The following BLM variants were observed in gnomAD, a reference collection of about 807,000 sequenced individuals.
BLM encodes the protein recQ-like DNA helicase BLM.
A neutral mutation model predicts 135.3 loss-of-function variants in BLM; 95 were observed. That is an observed-to-expected ratio of 0.70 (90% CI 0.59 to 0.83). BLM has a LOEUF of 0.83. Ranked by LOEUF, BLM falls within the 40% of genes least tolerant of loss-of-function variation. BLM has a pLI of 0.00. For missense variants in BLM, 1,518 were observed against 1,663.9 expected (o/e 0.91, Z 1.53); for synonymous variants, 520 against 589.2 (o/e 0.88, Z 1.70).
In BLM at chr15:90,784,625, C is replaced by T. The variant is rs149741059; in HGVS notation, c.2663-296C>T. ...TGCTGGGATTACAGGCATGAGCCAC[C>T]GCGCCCGGCCAAGGATGGCTTTTTT... On this transcript the variant is annotated intron_variant, in intron 13 of 21. Coordinates refer to ENST00000355112, the MANE Select transcript of BLM (RefSeq NM_000057.4). 8.6e-5 allele frequency among the ~76,000 whole-genome samples: 13 copies of T among 151,620 alleles called. No individual in the cohort carries two copies. In the East Asian group the frequency reaches 1.9e-3, roughly 23 times the overall value.
chr15:90,790,716 C>T lies in BLM; in HGVS notation c.2891C>T (p.Ala964Val), dbSNP rs1896883497. 5 of 1,614,102 alleles carry T rather than the reference C, an allele frequency of 3.1e-6. No individual in the cohort carries two copies. The highest frequency in any genetic ancestry group is 4.2e-6 in the Non-Finnish European group (5 of 1,179,980). Residue 964 changes from alanine (A) to valine (V), a missense_variant, in exon 15 of 22, where the codon GCA becomes GTA. Around this residue, in one of 5 missense-constraint regions of BLM, gnomAD observed 626 missense variants for 681.1 expected, o/e 0.92. Coordinates refer to ENST00000355112, the MANE Select transcript of BLM (RefSeq NM_000057.4). ...DKPDVRFVIH[A>V]SLPKSVEGYY... ...CCGGACGTGCGATTTGTGATTCATG[C>T]ATCTCTCCCTAAATCTGTGGAGGGT...
chr15:90,798,922 G>T (rs1897098144), intron 17 of BLM, among the ~76,000 whole-genome samples: 1 of 151,946 alleles, frequency 6.6e-6, no homozygotes, highest in African/African-American at 2.4e-5. Context: ...AGTGAAGACT[G>T]CAGTGAGCTG....
At position 90,784,327 on chromosome 15, in the gene BLM, C is replaced by CTTTTTTTTT. The variant is rs769540432; in HGVS notation, c.2663-578_2663-570dup. On this transcript the variant is annotated intron_variant, in intron 13 of 21. Transcript: ENST00000355112. Reference sequence around the variant, plus strand: ...CAAAGTTTGTGCAAGAATGGCTTTTCTTTTTTTTTTTTTTTTTTTTTTTTG... The same window carrying CTTTTTTTTT: ...CAAAGTTTGTGCAAGAATGGCTTTTCTTTTTTTTTTTTTTTTTTTTTTTTTTTTTTTTTG... Among the ~76,000 whole-genome samples, 46 of 70,010 alleles carry CTTTTTTTTT rather than the reference C, an allele frequency of 6.6e-4. 1 individual carries two copies. The highest frequency in any genetic ancestry group is 1.9e-3 in the African/African-American group (28 of 14,712). 45.9% of individuals were successfully genotyped at this position (70,010 alleles called of 152,430 possible).
intron 8 of BLM, 27 bp from the exon 9 acceptor site, chr15:90,765,269 A>G: frequency 6.6e-7 from 1 of 1,509,340 alleles, no homozygotes; most frequent in Non-Finnish European, 9.2e-7. Flanking sequence ...AGAACCTGAC[A>G]GATATTTTTT....
intron 14 of BLM, among the ~76,000 whole-genome samples, chr15:90,787,715 G>T (rs918683282): frequency 6.6e-6 from 1 of 152,102 alleles, no homozygotes; most frequent in South Asian, 2.1e-4. Context: ...TTGAGAGGCC[G>T]ATGTGGACGG....
At chr15:90,734,358 G>A (rs185113683) in intron 1 of BLM, among the ~76,000 whole-genome samples, 33 of 151,196 alleles carry the variant, frequency 2.2e-4, no homozygotes, top group Admixed American at 2.2e-3. Context: ...CATGACCTCA[G>A]CTCACTGCAA....
chr15:90,799,384 G>A (rs1897111031), intron 17 of BLM, among the ~76,000 whole-genome samples: 1 of 151,922 alleles, frequency 6.6e-6, no homozygotes, highest in African/African-American at 2.4e-5. Flanking sequence ...GATTGACAAA[G>A]TAAATTTAGT....
In BLM at chr15:90,761,100, C is replaced by T; in HGVS notation, c.1727C>T (p.Ala576Val). ...GAAGACATAATGCATAATTTAGCAGCCAGCAAATCTTCCACAGCTGCCTAT... is the reference window on the plus strand; with the variant it reads ...GAAGACATAATGCATAATTTAGCAGTCAGCAAATCTTCCACAGCTGCCTAT... The part of the protein sequence containing the change: ...DWEDIMHNLA[A>V]SKSSTAAYQP... The change falls in exon 7 of 22, where the codon GCC (alanine) becomes GTC (valine). Residue 576 changes from alanine to valine, a missense_variant. Transcript: ENST00000355112. 1 of 1,547,524 alleles carries T rather than the reference C, an allele frequency of 6.5e-7. No homozygotes were observed. The highest frequency in any genetic ancestry group is 1.4e-5 in the African/African-American group (1 of 72,380).
At chr15:90,784,886 A>G (rs564680051) in intron 13 of BLM, 35 bp from the exon 14 acceptor site, 2 of 1,603,474 alleles carry the variant, frequency 1.2e-6, no homozygotes, top group South Asian at 2.2e-5. Context: ...TATGTTAAAA[A>G]TTCTTGTTTC....
rs529364546 is a variant in BLM at position 90,724,126 on chromosome 15, C to T, written c.-5+6686C>T. ...CTCCTGGGCTCAGATGATCCTTCTG[C>T]CTCAGCCTCCCGAGAAGGTGAGACT... On this transcript the variant is annotated intron_variant, in intron 1 of 21. Transcript: ENST00000355112. Among the ~76,000 whole-genome samples, 178 of 152,212 alleles carry T rather than the reference C, an allele frequency of 1.2e-3. 1 individual carries two copies. Among genetic ancestry groups the T allele is most frequent in the African/African-American group, 4.0e-3 (168 of 41,540 alleles).
intron 9 of BLM, among the ~76,000 whole-genome samples, chr15:90,765,818 C>T (rs1048743021): frequency 6.6e-6 from 1 of 152,184 alleles, no homozygotes; most frequent in African/African-American, 2.4e-5. Context: ...TTCTACTTAA[C>T]TCTTCACAAT....
chr15:90,785,181 G>A (rs1313797705), intron 14 of BLM, 100 bp downstream of exon 14: 15 of 1,288,408 alleles, frequency 1.2e-5, no homozygotes, highest in Non-Finnish European at 1.5e-5. Flanking sequence ...CTTGAAGGTA[G>A]TAAACATCAA....
intron 1 of BLM, among the ~76,000 whole-genome samples, chr15:90,731,575 G>C (rs1895070808): frequency 6.6e-6 from 1 of 152,030 alleles, no homozygotes; most frequent in Admixed American, 6.6e-5. Flanking sequence ...TAGGTTTTCT[G>C]TTTATTTTTG....
At chr15:90,805,253 T>G (rs549900105) in intron 19 of BLM, among the ~76,000 whole-genome samples, 1 of 125,852 alleles carries the variant, frequency 7.9e-6, no homozygotes, top group Non-Finnish European at 1.8e-5. Context: ...GGTATAATGG[T>G]ACCCTATGTA....
intron 14 of BLM, among the ~76,000 whole-genome samples, chr15:90,788,471 G>GTTTTTTTTTTTTTTTTTT (rs35158343): frequency 9.5e-5 from 9 of 95,006 alleles, no homozygotes; most frequent in East Asian, 3.3e-4. Flanking sequence ...CCAGTGTTTT[G>GTTTTTTTTTTTTTTTTTT]TTTTTTTTTT....
intron 1 of BLM, among the ~76,000 whole-genome samples, chr15:90,725,629 T>C (rs1894891051): frequency 6.6e-6 from 1 of 151,338 alleles, no homozygotes; most frequent in African/African-American, 2.4e-5. Flanking sequence ...AAGTCCCAAG[T>C]AGCTGGGACT....
intron 1 of BLM, among the ~76,000 whole-genome samples, chr15:90,718,362 G>C (rs1351532586): frequency 1.3e-5 from 2 of 152,194 alleles, no homozygotes; most frequent in South Asian, 4.1e-4. Flanking sequence ...TTCTCCTATA[G>C]CCCTCACCTG....
At chr15:90,737,042 A>G (rs1311231638) in intron 1 of BLM, among the ~76,000 whole-genome samples, 1 of 151,712 alleles carries the variant, frequency 6.6e-6, no homozygotes, top group African/African-American at 2.4e-5. Context: ...AAACTAATCT[A>G]ATTCAAATGA....
intron 16 of BLM, among the ~76,000 whole-genome samples, chr15:90,795,564 T>G (rs1416283118): frequency 6.6e-6 from 1 of 152,142 alleles, no homozygotes; most frequent in Non-Finnish European, 1.5e-5. Flanking sequence ...TCTCTCAGTG[T>G]GGAACTGGCA....
Sources: allele counts gnomAD v4.1 joint callset (sites outside exome capture counted in the v4.1 genomes callset), GRCh38; gene constraint gnomAD v4.1.1; regional missense constraint gnomAD v4.1.1; transcripts MANE v1.5; gene names NCBI Gene and HGNC (gene_info 2026-07-23, HGNC 2026-07-21).